The following ST6GALNAC5 variants were observed in gnomAD, a reference collection of about 807,000 sequenced individuals.
ST6GALNAC5 encodes ST6 N-acetylgalactosaminide alpha-2,6-sialyltransferase 5.
Under a neutral mutation model 33.6 loss-of-function variants are expected in ST6GALNAC5, and 27 were observed. The ratio of observed to expected loss-of-function variants is 0.80; its 90% confidence interval spans 0.59 to 1.11. The LOEUF (loss-of-function observed/expected upper bound fraction) is 1.11. Among genes scored for constraint, ST6GALNAC5 ranks in the 50% least tolerant of loss-of-function variants. ST6GALNAC5 has a pLI of 0.00. For synonymous variants in ST6GALNAC5, 194 were observed against 171.2 expected (o/e 1.13, Z -1.04); for missense variants, 428 against 454.0 (o/e 0.94, Z 0.52).
At chr1:77,042,857 A>G (rs1295205432) in intron 2 of ST6GALNAC5, among the ~76,000 whole-genome samples, 1 of 152,104 alleles carries the variant, frequency 6.6e-6, no homozygotes, top group African/African-American at 2.4e-5. Context: ...GAAAACTGAG[A>G]CTTGTGGAGG....
chr1:77,051,120 G>A (rs1334265601), intron 4 of ST6GALNAC5, among the ~76,000 whole-genome samples: 4 of 152,152 alleles, frequency 2.6e-5, no homozygotes, highest in Admixed American at 2.6e-4. Context: ...GGGGTGGGGG[G>A]CATTTAAAAC....
chr1:77,056,291 A>C (rs1378448186), intron 4 of ST6GALNAC5, among the ~76,000 whole-genome samples: 1 of 152,216 alleles, frequency 6.6e-6, no homozygotes, highest in Non-Finnish European at 1.5e-5. Context: ...GTTGCTTTCC[A>C]AACTAAGTTA....
At chr1:77,017,038 G>C (rs1650875218) in intron 2 of ST6GALNAC5, among the ~76,000 whole-genome samples, 1 of 151,910 alleles carries the variant, frequency 6.6e-6, no homozygotes, top group Non-Finnish European at 1.5e-5. Context: ...CCAAAAGAGA[G>C]GGGGCAGGGG....
chr1:77,029,324 T>A (rs570576940), intron 2 of ST6GALNAC5, among the ~76,000 whole-genome samples: 1 of 152,334 alleles, frequency 6.6e-6, no homozygotes, highest in African/African-American at 2.4e-5. Flanking sequence ...TGACAGCTTT[T>A]GTCTTGTTCA....
At chr1:76,991,539 C>T (rs972548324) in intron 2 of ST6GALNAC5, among the ~76,000 whole-genome samples, 2 of 152,166 alleles carry the variant, frequency 1.3e-5, no homozygotes, top group African/African-American at 4.8e-5. Flanking sequence ...AACAGGCCTC[C>T]TCTTTCCACC....
intron 2 of ST6GALNAC5, among the ~76,000 whole-genome samples, chr1:76,958,609 G>A (rs1032910623): frequency 1.3e-5 from 2 of 152,104 alleles, no homozygotes; most frequent in African/African-American, 4.8e-5. Context: ...GTTTTTTGTT[G>A]TTGTTTTTTT....
intron 2 of ST6GALNAC5, among the ~76,000 whole-genome samples, chr1:76,956,702 TCTA>T (rs1034491999): frequency 5.9e-4 from 90 of 152,318 alleles, no homozygotes; most frequent in African/African-American, 2.1e-3. Flanking sequence ...TCCACTCACT[TCTA>T]CTGAAGGCCA....
intron 4 of ST6GALNAC5, among the ~76,000 whole-genome samples, chr1:77,052,459 C>T (rs1224042297): frequency 6.6e-6 from 1 of 152,088 alleles, no homozygotes; most frequent in Non-Finnish European, 1.5e-5. Flanking sequence ...GACGAACAAG[C>T]AGGTCATGGT....
chr1:76,953,970 G>C (rs1647851044), intron 2 of ST6GALNAC5, among the ~76,000 whole-genome samples: 1 of 152,048 alleles, frequency 6.6e-6, no homozygotes. Flanking sequence ...TAAAAATAAT[G>C]CTTGTGCGTA....
chr1:77,055,427 G>C (rs1014559149), intron 4 of ST6GALNAC5, among the ~76,000 whole-genome samples: 5 of 152,146 alleles, frequency 3.3e-5, no homozygotes, highest in African/African-American at 1.2e-4. Flanking sequence ...CATACTTCAT[G>C]CTGGCTCTGT....
chr1:76,982,854 T>C (rs1020203721), intron 2 of ST6GALNAC5, among the ~76,000 whole-genome samples: 4 of 151,100 alleles, frequency 2.6e-5, no homozygotes, highest in Non-Finnish European at 4.4e-5. Context: ...TGGGGGCCAA[T>C]ATTCAACATT....
intron 2 of ST6GALNAC5, among the ~76,000 whole-genome samples, chr1:76,936,967 T>C (rs1195964948): frequency 6.7e-6 from 1 of 150,134 alleles, no homozygotes; most frequent in African/African-American, 2.5e-5. Flanking sequence ...TGTGTGTGTG[T>C]GTGTGTGTGT....
chr1:76,988,488 G>C (rs2100392466), intron 2 of ST6GALNAC5, among the ~76,000 whole-genome samples: 1 of 151,898 alleles, frequency 6.6e-6, no homozygotes, highest in Non-Finnish European at 1.5e-5. Flanking sequence ...ATTCTTACTA[G>C]TTATAACTGT....
At chr1:76,898,504 C>T (rs186231818) in intron 2 of ST6GALNAC5, among the ~76,000 whole-genome samples, 18 of 151,886 alleles carry the variant, frequency 1.2e-4, no homozygotes, top group African/African-American at 1.9e-4. Flanking sequence ...GGTAATAAAA[C>T]GTATATTGAG....
chr1:76,870,742 T>G (rs867995826), intron 2 of ST6GALNAC5, among the ~76,000 whole-genome samples: 3 of 152,310 alleles, frequency 2.0e-5, no homozygotes, highest in Middle Eastern at 6.8e-3. Flanking sequence ...TGAAAGTCAT[T>G]GGAATTCCTA....
chr1:77,008,021 G>A (rs1246334078), intron 2 of ST6GALNAC5, among the ~76,000 whole-genome samples: 1 of 152,136 alleles, frequency 6.6e-6, no homozygotes, highest in East Asian at 1.9e-4. Context: ...TTATTATTAT[G>A]TGTGTTTAAT....
At chr1:76,955,599 A>G (rs1044501300) in intron 2 of ST6GALNAC5, among the ~76,000 whole-genome samples, 1 of 152,198 alleles carries the variant, frequency 6.6e-6, no homozygotes, top group Non-Finnish European at 1.5e-5. Flanking sequence ...TACAAACTTT[A>G]CTTCCAACTA....
intron 2 of ST6GALNAC5, among the ~76,000 whole-genome samples, chr1:76,890,357 T>C (rs1273285857): frequency 6.6e-6 from 1 of 152,194 alleles, no homozygotes; most frequent in Non-Finnish European, 1.5e-5. Context: ...GGATTTTCTC[T>C]TTCTAGTTTA....
intron 2 of ST6GALNAC5, among the ~76,000 whole-genome samples, chr1:76,963,650 A>C (rs1473906146): frequency 6.6e-6 from 1 of 152,174 alleles, no homozygotes. Context: ...AAAGCAGGTG[A>C]ATACTTTATG....
Sources: allele counts gnomAD v4.1 joint callset (sites outside exome capture counted in the v4.1 genomes callset), GRCh38; gene constraint gnomAD v4.1.1; transcripts MANE v1.5; gene names NCBI Gene and HGNC (gene_info 2026-07-23, HGNC 2026-07-21).